The following SFSWAP variants were observed in gnomAD, a reference collection of about 807,000 sequenced individuals.
SFSWAP encodes the protein splicing factor SWAP, also known as splicing factor, suppressor of white-apricot homolog.
SFSWAP carries 17 observed loss-of-function variants against 100.7 expected under a neutral mutation model. That is an observed-to-expected ratio of 0.17 (90% CI 0.12 to 0.25). The LOEUF is 0.25. Ranked by LOEUF, SFSWAP falls within the 10% of genes least tolerant of loss-of-function variation. The pLI, the probability that SFSWAP is intolerant of heterozygous loss-of-function variation, is 1.00. For synonymous variants in SFSWAP, 504 were observed against 510.1 expected (o/e 0.99, Z 0.16); for missense variants, 1,005 against 1,262.6 (o/e 0.80, Z 3.09).
chr12:131,750,079 G>T (rs1881483406), intron 7 of SFSWAP, among the ~76,000 whole-genome samples: 1 of 152,218 alleles, frequency 6.6e-6, no homozygotes, highest in African/African-American at 2.4e-5. Context: ...CGGGAGGCTG[G>T]CCCTGGGCTG....
chr12:131,734,926 G>C lies in SFSWAP; in HGVS notation c.1081+6498G>C, dbSNP rs1015628583. 6.6e-6 allele frequency among the ~76,000 whole-genome samples: 1 copy of C among 152,174 alleles called. No homozygotes were observed. The highest frequency in any genetic ancestry group is 1.5e-5 in the Non-Finnish European group (1 of 68,046). ...ATGGGGGTGGGGTGGGGCAGTGAGGGGGGGCCCGCTCCGAGAGACAGACAG... is the reference window on the plus strand; with the variant it reads ...ATGGGGGTGGGGTGGGGCAGTGAGGCGGGGCCCGCTCCGAGAGACAGACAG... On this transcript the variant is annotated intron_variant, in intron 7 of 17. Coordinates refer to ENST00000261674, the MANE Select transcript of SFSWAP (RefSeq NM_004592.4). The surrounding 1 kb of genome is among the most constrained non-coding windows in gnomAD (Gnocchi z 4.9).
chr12:131,755,684 C>T (rs1174671922), intron 10 of SFSWAP, among the ~76,000 whole-genome samples: 1 of 152,212 alleles, frequency 6.6e-6, no homozygotes, highest in Non-Finnish European at 1.5e-5. Flanking sequence ...CCCACGTTCA[C>T]AGCATTGATG....
chr12:131,768,928 A>C (rs1416910576), intron 13 of SFSWAP, among the ~76,000 whole-genome samples: 4 of 152,134 alleles, frequency 2.6e-5, no homozygotes, highest in African/African-American at 9.7e-5. Context: ...GTTCGAGATC[A>C]GTCTGGGGTC....
rs1879740716 is a variant in SFSWAP, at chr12:131,733,808, T to G, written c.1081+5380T>G. ...GAGTGTGTGTTCAGGCTTGTCTTCC[T>G]GCCGCAGCGCAGCAGCCCTCCCATG... On this transcript the variant is annotated intron_variant, in intron 7 of 17. Coordinates refer to ENST00000261674, the MANE Select transcript of SFSWAP (RefSeq NM_004592.4). The surrounding 1 kb of genome is among the most constrained non-coding windows in gnomAD (Gnocchi z 5.1). Among the ~76,000 whole-genome samples the G allele has an allele frequency of 6.6e-6, 1 of 152,026 alleles. No individual in the cohort carries two copies. The highest frequency in any genetic ancestry group is 2.1e-4 in the South Asian group (1 of 4,816).
chr12:131,766,877 G>C (rs1390039317), intron 13 of SFSWAP, among the ~76,000 whole-genome samples: 2 of 152,256 alleles, frequency 1.3e-5, no homozygotes, highest in Admixed American at 1.3e-4. Flanking sequence ...CCAAGGAGGG[G>C]GTGCTCAGAA....
chr12:131,756,543 G>A lies in SFSWAP; in HGVS notation c.1619G>A (p.Gly540Asp), dbSNP rs960816088. The change falls in exon 11 of 18, where the codon GGC (glycine) becomes GAC (aspartate). Residue 540 changes from glycine to aspartate, a missense_variant. Physicochemically the swap from Gly to Asp is moderately conservative, Grantham distance 94 (BLOSUM62 -1). This residue lies in a region of SFSWAP where 311 missense variants were observed against 317.8 expected (regional missense o/e 0.98). Coordinates refer to ENST00000261674, the MANE Select transcript of SFSWAP (RefSeq NM_004592.4). ...AAGCCAAGTGATGCTGGGGAGGATG[G>A]CGCGCCTGAAGACGCAGCCGAGGTG... ...PEKPSDAGED[G>D]APEDAAEVGA... 10 of 1,613,964 alleles carry A rather than the reference G, an allele frequency of 6.2e-6. No individual in the cohort carries two copies. The African/African-American group carries it at 1.3e-4, about 22-fold the overall frequency.
intron 15 of SFSWAP, chr12:131,795,996 AGGGGGAGGGGAGGGGAGG>A (rs1360244007): frequency 4.1e-5 from 1 of 24,554 alleles, no homozygotes; most frequent in African/African-American, 1.7e-4. Flanking sequence ...GGGAGGGGAG[AGGGGGAGGGGAGGGGAGG>A]GGAGAGGGGG....
chr12:131,774,558 A>G (rs1053220866), intron 13 of SFSWAP, among the ~76,000 whole-genome samples: 2 of 152,200 alleles, frequency 1.3e-5, no homozygotes, highest in Non-Finnish European at 2.9e-5. Flanking sequence ...ACATTCAAAC[A>G]TGACTTCCGT....
intron 4 of SFSWAP, among the ~76,000 whole-genome samples, chr12:131,724,439 A>G (rs930237794): frequency 1.2e-4 from 19 of 152,274 alleles, no homozygotes; most frequent in African/African-American, 4.1e-4. Flanking sequence ...GTAGACATCT[A>G]TCCTTTTTAA....
chr12:131,779,245 A>C (rs545855191), intron 14 of SFSWAP, among the ~76,000 whole-genome samples: 68 of 149,006 alleles, frequency 4.6e-4, no homozygotes, highest in African/African-American at 1.7e-3. Flanking sequence ...GCGTGTGTGA[A>C]GAGGGCGGCG....
chr12:131,760,847 G>T (rs1334681691), intron 11 of SFSWAP, among the ~76,000 whole-genome samples: 1 of 152,150 alleles, frequency 6.6e-6, no homozygotes, highest in Non-Finnish European at 1.5e-5. Context: ...GCCGAGGGGG[G>T]CAGATCACGA....
chr12:131,782,908 C>G (rs975591164), intron 14 of SFSWAP, among the ~76,000 whole-genome samples: 1 of 152,138 alleles, frequency 6.6e-6, no homozygotes, highest in African/African-American at 2.4e-5. Context: ...GAGGCTGGCA[C>G]GGTGGCTCAC....
At position 131,778,604 on chromosome 12, in the gene SFSWAP, G is replaced by A. The variant is rs1410245342; in HGVS notation, c.2408+274G>A. Among the ~76,000 whole-genome samples the A allele has an allele frequency of 3.3e-5, 5 of 152,068 alleles. No individual in the cohort carries two copies. Among genetic ancestry groups the A allele is most frequent in the East Asian group, 1.9e-4 (1 of 5,188 alleles). ...GCGATCTTGGCTCACTGCAACCTCCGCTTCCCAGGTTCAAGTGATTCTCCT... is the reference window on the plus strand; with the variant it reads ...GCGATCTTGGCTCACTGCAACCTCCACTTCCCAGGTTCAAGTGATTCTCCT... On this transcript the variant is annotated intron_variant, in intron 14 of 17. Coordinates refer to ENST00000261674, the MANE Select transcript of SFSWAP (RefSeq NM_004592.4). The surrounding 1 kb of genome is among the most constrained non-coding windows in gnomAD (Gnocchi z 4.2).
chr12:131,715,583 A>G (rs1161782966), intron 3 of SFSWAP, among the ~76,000 whole-genome samples: 2 of 152,246 alleles, frequency 1.3e-5, no homozygotes. Flanking sequence ...AATATCCTCA[A>G]TCACTTCACT....
chr12:131,721,606 A>T (rs1660114142), intron 4 of SFSWAP, among the ~76,000 whole-genome samples: 1 of 152,116 alleles, frequency 6.6e-6, no homozygotes, highest in South Asian at 2.1e-4. Context: ...AAATTTTTTA[A>T]TTTTTTATTC....
intron 14 of SFSWAP, 73 bp from the exon 15 acceptor site, chr12:131,786,390 C>T: frequency 1.3e-6 from 2 of 1,500,560 alleles, no homozygotes; most frequent in African/African-American, 2.7e-5. Context: ...TGATCTCTGC[C>T]AGGGCAGTAG....
intron 13 of SFSWAP, among the ~76,000 whole-genome samples, chr12:131,774,957 T>C (rs1883895317): frequency 6.6e-6 from 1 of 152,160 alleles, no homozygotes; most frequent in African/African-American, 2.4e-5. Context: ...AATCATTAAG[T>C]TGGCAGTAGA....
chr12:131,797,822 C>T (rs148414539), intron 16 of SFSWAP, among the ~76,000 whole-genome samples: 143 of 152,372 alleles, frequency 9.4e-4, no homozygotes, highest in Middle Eastern at 3.4e-3. Context: ...GTCCCAGTCC[C>T]GGGCTAGGTG....
intron 13 of SFSWAP, among the ~76,000 whole-genome samples, chr12:131,769,408 C>T (rs1397105724): frequency 6.6e-6 from 1 of 152,080 alleles, no homozygotes; most frequent in Admixed American, 6.6e-5. Context: ...GAAAGACATT[C>T]ACAGGAATGC....
Sources: allele counts gnomAD v4.1 joint callset (sites outside exome capture counted in the v4.1 genomes callset), GRCh38; gene constraint gnomAD v4.1.1; regional missense constraint gnomAD v4.1.1; non-coding constraint Gnocchi (gnomAD v3.1); transcripts MANE v1.5; gene names NCBI Gene and HGNC (gene_info 2026-07-23, HGNC 2026-07-21).